Variants in ADAM23 observed in about 807,000 individuals in gnomAD.
ADAM23 encodes disintegrin and metalloproteinase domain-containing protein 23.
Under a neutral mutation model 120.1 loss-of-function variants are expected in ADAM23, and 33 were observed. The ratio of observed to expected loss-of-function variants is 0.27; its 90% CI spans 0.21 to 0.37. The LOEUF is 0.37. Ranked by LOEUF, ADAM23 falls within the 10% of genes least tolerant of loss-of-function variation. The pLI, the probability that ADAM23 is intolerant of heterozygous loss-of-function variation, is 1.00. For synonymous variants in ADAM23, 367 were observed against 375.2 expected (o/e 0.98, Z 0.25); for missense variants, 862 against 1,058.2 (o/e 0.81, Z 2.57).
intron 2 of ADAM23, among the ~76,000 whole-genome samples, chr2:206,450,960 G>A (rs537996200): frequency 5.3e-5 from 8 of 152,298 alleles, no homozygotes; most frequent in South Asian, 2.1e-4. Flanking sequence ...CAAGGTAGCC[G>A]CTGATGTGTG....
chr2:206,519,481 A>C (rs946249516), intron 3 of ADAM23, among the ~76,000 whole-genome samples: 3 of 152,118 alleles, frequency 2.0e-5, no homozygotes, highest in African/African-American at 7.2e-5. Context: ...GATGCTATGA[A>C]ATGTGCTCAG....
intron 3 of ADAM23, among the ~76,000 whole-genome samples, chr2:206,490,340 C>A (rs1696106804): frequency 6.6e-6 from 1 of 152,204 alleles, no homozygotes; most frequent in Non-Finnish European, 1.5e-5. Flanking sequence ...CAAACTAATA[C>A]ACCGTTCTAA....
chr2:206,607,266 A>C (rs1296371775), intron 24 of ADAM23: 2 of 152,268 alleles, frequency 1.3e-5, no homozygotes, highest in African/African-American at 4.8e-5. Flanking sequence ...AACAGGGATA[A>C]AAATATTTAG....
chr2:206,522,434 G>A (rs1312541038), intron 3 of ADAM23, among the ~76,000 whole-genome samples: 1 of 151,924 alleles, frequency 6.6e-6, no homozygotes, highest in Non-Finnish European at 1.5e-5. Flanking sequence ...ATAAACAGAT[G>A]TGCAGTTTTT....
intron 25 of ADAM23, among the ~76,000 whole-genome samples, chr2:206,614,441 G>T (rs945597097): frequency 4.0e-5 from 6 of 151,234 alleles, no homozygotes; most frequent in African/African-American, 9.7e-5. Context: ...GATCGCCTGA[G>T]GACAGGAGTT....
Position 206,474,032 on chromosome 2 carries a change from A to C in ADAM23, c.433-7200A>C, listed in dbSNP as rs529547644. On this transcript the variant is annotated intron_variant, in intron 2 of 25. Coordinates refer to ENST00000264377, the MANE Select transcript of ADAM23 (RefSeq NM_003812.4). ...GTCTCAAAAAAAAAAAAACAAAAAAAAAAAACCAGAAAAACAAAACTAACT... is the reference window on the plus strand; with the variant it reads ...GTCTCAAAAAAAAAAAAACAAAAAACAAAAACCAGAAAAACAAAACTAACT... Among the ~76,000 whole-genome samples the C allele has an allele frequency of 7.0e-3, 1,068 of 151,710 alleles. 15 individuals carry two copies. Among genetic ancestry groups the C allele is most frequent in the African/African-American group, 0.024 (1,008 of 41,352 alleles).
chr2:206,588,038 T>C (rs1307925000), intron 19 of ADAM23, 53 bp from the exon 20 acceptor site: 19 of 1,584,460 alleles, frequency 1.2e-5, no homozygotes, highest in South Asian at 4.5e-5. Flanking sequence ...AGTAAAAACA[T>C]TGGGGAAGAC....
chr2:206,546,924 G>A (rs1050425473), intron 6 of ADAM23, among the ~76,000 whole-genome samples: 5 of 152,012 alleles, frequency 3.3e-5, no homozygotes, highest in Admixed American at 6.6e-5. Context: ...ATGTTTTCAC[G>A]TTTGTTGATA....
At chr2:206,465,112 C>T (rs773929021) in intron 2 of ADAM23, among the ~76,000 whole-genome samples, 1 of 152,018 alleles carries the variant, frequency 6.6e-6, no homozygotes, top group Admixed American at 6.6e-5. Flanking sequence ...GTGGTGTGAT[C>T]GTTGCTCGCC....
intron 13 of ADAM23, among the ~76,000 whole-genome samples, chr2:206,563,590 C>G (rs1697814615): frequency 6.6e-6 from 1 of 152,126 alleles, no homozygotes; most frequent in African/African-American, 2.4e-5. Context: ...GGTTTATGCC[C>G]TTGTTTAGAA....
chr2:206,474,185 A>G (rs1387724185), intron 2 of ADAM23, among the ~76,000 whole-genome samples: 1 of 152,170 alleles, frequency 6.6e-6, no homozygotes, highest in African/African-American at 2.4e-5. Context: ...TTCTCCTTCA[A>G]ACTACCTGTT....
intron 18 of ADAM23, among the ~76,000 whole-genome samples, chr2:206,584,428 A>T (rs1031431454): frequency 3.9e-5 from 6 of 152,156 alleles, no homozygotes; most frequent in African/African-American, 4.8e-5. Flanking sequence ...TCCCAAGATT[A>T]TATGCCCTTT....
At position 206,502,501 on chromosome 2, in the gene ADAM23, A is replaced by G. The variant is rs77747425; in HGVS notation, c.509+21193A>G. Among the ~76,000 whole-genome samples, 1,208 of 152,256 alleles carry G rather than the reference A, an allele frequency of 7.9e-3. 16 individuals carry two copies. Among genetic ancestry groups the G allele is most frequent in the African/African-American group, 0.027 (1,138 of 41,556 alleles). On this transcript the variant is annotated intron_variant, in intron 3 of 25. Coordinates refer to ENST00000264377, the MANE Select transcript of ADAM23 (RefSeq NM_003812.4). ...TTGAAGAACTGTAGAAAAGAAGTCA[A>G]ACACTTGTAAATCGTATGTTTTGGT...
chr2:206,568,773 T>C (rs1381479281), intron 15 of ADAM23, among the ~76,000 whole-genome samples: 1 of 152,260 alleles, frequency 6.6e-6, no homozygotes, highest in Non-Finnish European at 1.5e-5. Flanking sequence ...AAATGTTTAA[T>C]ACTTTGCAAA....
chr2:206,546,286 T>C (rs777820649), intron 6 of ADAM23, among the ~76,000 whole-genome samples: 2 of 152,222 alleles, frequency 1.3e-5, no homozygotes, highest in Non-Finnish European at 2.9e-5. Context: ...ATTTCATTAC[T>C]ATCTTTTCAC....
At chr2:206,523,309 C>T (rs112708744) in intron 3 of ADAM23, among the ~76,000 whole-genome samples, 1 of 146,124 alleles carries the variant, frequency 6.8e-6, no homozygotes, top group African/African-American at 2.6e-5. Flanking sequence ...TTGTTACCCC[C>T]AAAGAAAAAC....
chr2:206,614,322 C>A (rs1460418759), intron 25 of ADAM23, among the ~76,000 whole-genome samples: 1 of 152,164 alleles, frequency 6.6e-6, no homozygotes, highest in Non-Finnish European at 1.5e-5. Flanking sequence ...TGTTTATGTA[C>A]TCACACAAAA....
At chr2:206,485,814 AGGTGG>A (rs957920258) in intron 3 of ADAM23, among the ~76,000 whole-genome samples, 25 of 152,104 alleles carry the variant, frequency 1.6e-4, no homozygotes, top group Admixed American at 8.5e-4. Context: ...GAGGGACTGG[AGGTGG>A]GGTGTCCAGC....
Position 206,571,951 on chromosome 2 carries a change from G to A in ADAM23, c.1656+135G>A, listed in dbSNP as rs979661034. 11 of 657,234 alleles carry A rather than the reference G, an allele frequency of 1.7e-5. No homozygotes were observed. The African/African-American group carries it at 1.8e-4, about 11-fold the overall frequency. 40.7% of individuals were successfully genotyped at this position (657,234 alleles called of 1,614,324 possible). ...TACATATTAGCCTGGCAGTTTTCTA[G>A]GATCGATAAATCTCAAATTCTGTGG... On this transcript the variant is annotated intron_variant, in intron 17 of 25. Transcript: ENST00000264377.
Sources: allele counts gnomAD v4.1 joint callset (sites outside exome capture counted in the v4.1 genomes callset), GRCh38; gene constraint gnomAD v4.1.1; transcripts MANE v1.5; gene names NCBI Gene and HGNC (gene_info 2026-07-23, HGNC 2026-07-21).